The following HIVEP2 variants were observed in gnomAD, a reference collection of about 807,000 sequenced individuals.
HIVEP2 encodes the protein HIVEP zinc finger 2.
In HIVEP2, 14 loss-of-function variants were observed where a neutral mutation model predicts 180.7. That is an observed-to-expected ratio of 0.08 (90% CI 0.05 to 0.12). The LOEUF is 0.12. Ranked by LOEUF, HIVEP2 falls within the 10% of genes least tolerant of loss-of-function variation. The pLI is 1.00. For synonymous variants in HIVEP2, 1,184 were observed against 1,136.4 expected (o/e 1.04, Z -0.84); for missense variants, 2,579 against 3,008.5 (o/e 0.86, Z 3.34).
At chr6:142,811,380 G>A (rs1776694571) in intron 2 of HIVEP2, among the ~76,000 whole-genome samples, 1 of 152,160 alleles carries the variant, frequency 6.6e-6, no homozygotes, top group South Asian at 2.1e-4. Context: ...ATCAGTTTAA[G>A]AAACCTGGCT....
chr6:142,904,386 T>C (rs570732756), intron 1 of HIVEP2, among the ~76,000 whole-genome samples: 2 of 152,326 alleles, frequency 1.3e-5, no homozygotes, highest in South Asian at 4.1e-4. Flanking sequence ...TACTTTCCTT[T>C]AACAATGTAA....
intron 2 of HIVEP2, among the ~76,000 whole-genome samples, chr6:142,794,286 AC>A (rs1289775807): frequency 2.4e-4 from 36 of 152,300 alleles, no homozygotes; most frequent in African/African-American, 8.4e-4. Flanking sequence ...AAACAAACAC[AC>A]AGATCTCAAT....
At chr6:142,876,199 T>C (rs1199679781) in intron 1 of HIVEP2, among the ~76,000 whole-genome samples, 1 of 152,152 alleles carries the variant, frequency 6.6e-6, no homozygotes, top group Non-Finnish European at 1.5e-5. Flanking sequence ...TTTGGTAAGA[T>C]ATATGAGAGG....
At chr6:142,862,213 T>C (rs796599234) in intron 1 of HIVEP2, among the ~76,000 whole-genome samples, 42 of 152,154 alleles carry the variant, frequency 2.8e-4, no homozygotes, top group African/African-American at 8.2e-4. Flanking sequence ...AATAAAGCAA[T>C]GTATTGTACT....
rs555226110 is a variant in HIVEP2, at chr6:142,772,804, A to G, written c.1935T>C (p.Tyr645=). The G allele has an allele frequency of 6.2e-6, 10 of 1,614,138 alleles. No homozygotes were observed. The East Asian group carries it at 2.2e-4, about 36-fold the overall frequency. ...GYDYDVCRKP[Y]KKWEDSETPK... ...GTGTTTCAGAGTCCTCCCACTTCTT[A>G]TAGGGTTTCCGACAGACATCATAGT... Residue 645 remains tyrosine, a synonymous_variant, in exon 5 of 10, where the codon TAT becomes TAC. Coordinates refer to ENST00000367603, the MANE Select transcript of HIVEP2 (RefSeq NM_006734.4). The surrounding 1 kb of genome is among the most constrained non-coding windows in gnomAD (Gnocchi z 4.9).
chr6:142,844,815 T>C (rs887229357), intron 1 of HIVEP2, among the ~76,000 whole-genome samples: 1 of 151,992 alleles, frequency 6.6e-6, no homozygotes, highest in Admixed American at 6.6e-5. Context: ...AGAAAAAAAA[T>C]ATTAATATGA....
chr6:142,765,058 G>A, intron 6 of HIVEP2, 84 bp from the exon 7 acceptor site: 2 of 1,307,594 alleles, frequency 1.5e-6, no homozygotes, highest in Non-Finnish European at 2.1e-6. Context: ...TATTTGCACG[G>A]CAAAGTTTTA....
At chr6:142,816,727 C>A (rs935145552) in intron 2 of HIVEP2, among the ~76,000 whole-genome samples, 2 of 152,206 alleles carry the variant, frequency 1.3e-5, no homozygotes, top group African/African-American at 4.8e-5. Context: ...GGCTCTAAAT[C>A]ATAATTTACA....
rs1775472754 is a variant in HIVEP2, at chr6:142,769,766, T to C, written c.4973A>G (p.Asn1658Ser). ...SWCFLNYTKP[N>S]YVQQATFKSS... is the part of the protein sequence containing the mutation. ...TTTGAAGGTGGCCTGTTGCACATAA[T>C]TGGGTTTTGTATAATTCAAGAAGCA... Residue 1658 changes from asparagine to serine, a missense_variant, in exon 5 of 10, where the codon AAT (asparagine) becomes AGT (serine). This residue lies in a region of HIVEP2 where 349 missense variants were observed against 367.2 expected (regional missense o/e 0.95). Coordinates refer to ENST00000367603, the MANE Select transcript of HIVEP2 (RefSeq NM_006734.4). 3 of 1,614,046 alleles carry C rather than the reference T, an allele frequency of 1.9e-6. No homozygotes were observed. The highest frequency in any genetic ancestry group is 1.7e-5 in the Admixed American group (1 of 60,006).
intron 1 of HIVEP2, among the ~76,000 whole-genome samples, chr6:142,845,844 G>A (rs565588895): frequency 3.3e-4 from 50 of 152,302 alleles, no homozygotes; most frequent in African/African-American, 1.2e-3. Context: ...GCCCTCCCCC[G>A]GACAACAAGC....
At chr6:142,828,394 A>G (rs1204979108) in intron 2 of HIVEP2, among the ~76,000 whole-genome samples, 1 of 151,462 alleles carries the variant, frequency 6.6e-6, no homozygotes, top group African/African-American at 2.4e-5. Context: ...TCTTTGCTCA[A>G]CTCTCATTAT....
intron 1 of HIVEP2, among the ~76,000 whole-genome samples, chr6:142,865,817 G>A (rs1391362140): frequency 2.0e-5 from 3 of 152,102 alleles, no homozygotes; most frequent in Non-Finnish European, 2.9e-5. Context: ...GCCTTGGGAC[G>A]AGTTATGAAC....
At chr6:142,892,248 T>A (rs892396317) in intron 1 of HIVEP2, among the ~76,000 whole-genome samples, 6 of 152,116 alleles carry the variant, frequency 3.9e-5, no homozygotes, top group Non-Finnish European at 8.8e-5. Flanking sequence ...TTTTAAACAA[T>A]TTAAGTGGCC....
intron 1 of HIVEP2, among the ~76,000 whole-genome samples, chr6:142,929,821 T>C (rs1263707293): frequency 6.6e-6 from 1 of 152,216 alleles, no homozygotes; most frequent in African/African-American, 2.4e-5. Context: ...TGGCTCTCCA[T>C]GCTTCTGAGA....
At chr6:142,911,139 T>TAAAAAAAAAAAAAAAAAAAAAATA (rs5880554) in intron 1 of HIVEP2, among the ~76,000 whole-genome samples, 3 of 106,230 alleles carry the variant, frequency 2.8e-5, no homozygotes, top group South Asian at 3.1e-4. Context: ...ACAAACACAT[T>TAAAAAAAAAAAAAAAAAAAAAATA]AAAAAAAAAA....
At chr6:142,796,836 T>C (rs1776290705) in intron 2 of HIVEP2, among the ~76,000 whole-genome samples, 1 of 152,186 alleles carries the variant, frequency 6.6e-6, no homozygotes, top group African/African-American at 2.4e-5. Flanking sequence ...CACACGGAGA[T>C]GATTGGCATC....
intron 1 of HIVEP2, among the ~76,000 whole-genome samples, chr6:142,857,884 AGGAGGGGCTGG>A (rs1382587520): frequency 8.5e-5 from 13 of 152,072 alleles, no homozygotes; most frequent in Middle Eastern, 3.2e-3. Flanking sequence ...GCTGCTGTCT[AGGAGGGGCTGG>A]GGTCGGGTCT....
In HIVEP2 at chr6:142,852,679, A is replaced by G. The variant is rs142098613; in HGVS notation, c.-640-15632T>C. Among the ~76,000 whole-genome samples the G allele has an allele frequency of 5.6e-3, 851 of 152,322 alleles. 25 individuals carry two copies. Among genetic ancestry groups the G allele is most frequent in the Admixed American group, 0.051 (775 of 15,304 alleles). The stretch of plus-strand genomic sequence containing the variant: ...CCAGTTTCAAAACTCATCAGCATAG[A>G]TGTTTTAGAGATTTCTCCAAAGAAG... On this transcript the variant is annotated intron_variant, in intron 1 of 9. Transcript: ENST00000367603.
intron 1 of HIVEP2, among the ~76,000 whole-genome samples, chr6:142,859,827 T>G (rs1582919555): frequency 1.8e-5 from 1 of 55,870 alleles, no homozygotes; most frequent in African/African-American, 8.2e-5. Context: ...AGAGTGAAAC[T>G]CCGTCTCAAA....
Sources: gnomAD v4.1 joint callset for allele counts (sites outside exome capture counted in the v4.1 genomes callset) on GRCh38, gnomAD v4.1.1 for gene constraint, gnomAD v4.1.1 regional missense constraint, Gnocchi (gnomAD v3.1) non-coding constraint, MANE v1.5 for transcripts, NCBI Gene and HGNC (gene_info 2026-07-23, HGNC 2026-07-21) for gene names.